LINGO2: variants seen among roughly 807,000 people sequenced by gnomAD.
The protein encoded by LINGO2 is leucine rich repeat and Ig domain containing 2.
LINGO2 carries 14 observed loss-of-function variants against 30.6 expected under a neutral mutation model. The ratio of observed to expected loss-of-function variants is 0.46; its 90% CI spans 0.30 to 0.72. The LOEUF (loss-of-function observed/expected upper bound fraction) is 0.72, where lower values mean the gene tolerates loss of function less well. Among genes scored for constraint, LINGO2 ranks in the 30% least tolerant of loss-of-function variants. The probability of loss-of-function intolerance (pLI) is 0.07; values close to 1 mark genes in which losing one functional copy is unlikely to be tolerated. For synonymous variants in LINGO2, 317 were observed against 288.5 expected (o/e 1.10, Z -1.00); for missense variants, 729 against 751.7 (o/e 0.97, Z 0.35).
chr9:28,008,099 C>T (rs1262708554), intron 5 of LINGO2, among the ~76,000 whole-genome samples: 2 of 152,114 alleles, frequency 1.3e-5, no homozygotes, highest in African/African-American at 4.8e-5. Flanking sequence ...CGTTTGTCAT[C>T]AGAATCTCCT....
chr9:28,760,167 A>AT, the LINGO2 span, among the ~76,000 whole-genome samples: 2 of 152,142 alleles, frequency 1.3e-5, no homozygotes, highest in East Asian at 3.8e-4. Flanking sequence ...ATGAAATCAA[A>AT]TCAGAGTATT....
At chr9:28,830,011 A>G in the LINGO2 span, among the ~76,000 whole-genome samples, 4,605 of 152,302 alleles carry the variant, frequency 0.03, 204 homozygotes, top group African/African-American at 0.1. Context: ...CTGAAATACT[A>G]TCTGACAACA....
In LINGO2 at chr9:28,377,508, G is replaced by C. The variant is rs188710627; in HGVS notation, c.-278-4640C>G. ...GTAGGCTATTCGTAGTTAAGTTCTG[G>C]GGGAGTAGAAAAGTTATACACAGAT... is the stretch of plus-strand genomic sequence containing the variant. On this transcript the variant is annotated intron_variant, in intron 2 of 5. Transcript: ENST00000379992. 6.4e-4 allele frequency among the ~76,000 whole-genome samples: 97 copies of C among 152,216 alleles called. 1 individual carries two copies. The highest frequency in any genetic ancestry group is 3.2e-4 in the Non-Finnish European group (22 of 68,032).
intron 4 of LINGO2, among the ~76,000 whole-genome samples, chr9:28,145,483 TA>T (rs1350448752): frequency 1.3e-5 from 2 of 152,226 alleles, no homozygotes; most frequent in Non-Finnish European, 2.9e-5. Flanking sequence ...CATCTATTTT[TA>T]AAAGATGAAT....
the LINGO2 span, among the ~76,000 whole-genome samples, chr9:29,176,029 G>C: frequency 6.8e-6 from 1 of 146,096 alleles, no homozygotes; most frequent in Non-Finnish European, 1.5e-5. Context: ...CTGGCACCAA[G>C]TCCTCGATCT....
intron 5 of LINGO2, among the ~76,000 whole-genome samples, chr9:27,954,669 A>G (rs1417292451): frequency 2.0e-5 from 3 of 152,124 alleles, no homozygotes; most frequent in African/African-American, 7.2e-5. Flanking sequence ...ATACAGATAT[A>G]CCTTTGATAT....
At chr9:28,954,379 C>A in the LINGO2 span, among the ~76,000 whole-genome samples, 1 of 152,022 alleles carries the variant, frequency 6.6e-6, no homozygotes, top group Admixed American at 6.6e-5. Flanking sequence ...CATTTCATCA[C>A]AAAGGATATT....
intron 1 of LINGO2, among the ~76,000 whole-genome samples, chr9:28,653,845 A>C (rs1049594710): frequency 1.3e-5 from 2 of 151,982 alleles, no homozygotes; most frequent in African/African-American, 2.4e-5. Flanking sequence ...TTTGAACATC[A>C]CTCTTTGTTA....
chr9:28,983,032 A>G, the LINGO2 span, among the ~76,000 whole-genome samples: 1 of 151,878 alleles, frequency 6.6e-6, no homozygotes, highest in Non-Finnish European at 1.5e-5. Flanking sequence ...AATTGTAGGT[A>G]CATAAGAAAA....
chr9:28,355,508 T>C (rs1266946029), intron 3 of LINGO2, among the ~76,000 whole-genome samples: 1 of 151,924 alleles, frequency 6.6e-6, no homozygotes, highest in Non-Finnish European at 1.5e-5. Flanking sequence ...AGACACCAGC[T>C]AAAACACACA....
At chr9:29,074,197 C>T in the LINGO2 span, among the ~76,000 whole-genome samples, 1 of 152,060 alleles carries the variant, frequency 6.6e-6, no homozygotes, top group Non-Finnish European at 1.5e-5. Context: ...AAAACAGAAT[C>T]TTATTTTGAT....
At chr9:27,972,215 G>A (rs1314825597) in intron 5 of LINGO2, among the ~76,000 whole-genome samples, 1 of 152,156 alleles carries the variant, frequency 6.6e-6, no homozygotes, top group African/African-American at 2.4e-5. Context: ...GGGCATCTAA[G>A]GATTTATTGT....
At chr9:29,178,308 C>G in the LINGO2 span, among the ~76,000 whole-genome samples, 41,214 of 151,862 alleles carry the variant, frequency 0.27, 5,876 homozygotes, top group East Asian at 0.45. Flanking sequence ...TGCCCACCTC[C>G]GCCTCCCAAA....
chr9:28,190,095 C>T (rs1052586933), intron 4 of LINGO2, among the ~76,000 whole-genome samples: 4 of 152,070 alleles, frequency 2.6e-5, no homozygotes, highest in Non-Finnish European at 2.9e-5. Context: ...GATATTTTGA[C>T]GTGGTATGGC....
chr9:28,120,644 C>T (rs1179602226), intron 4 of LINGO2, among the ~76,000 whole-genome samples: 3 of 152,134 alleles, frequency 2.0e-5, no homozygotes, highest in Non-Finnish European at 1.5e-5. Flanking sequence ...TTACTTGATG[C>T]AGCAATATGG....
chr9:28,494,229 A>T (rs559161611), intron 1 of LINGO2, among the ~76,000 whole-genome samples: 132 of 151,960 alleles, frequency 8.7e-4, no homozygotes, highest in African/African-American at 3.0e-3. Flanking sequence ...CTTTTTTTTT[A>T]AATCATACTT....
chr9:28,893,587 T>C, the LINGO2 span, among the ~76,000 whole-genome samples: 1 of 76,308 alleles, frequency 1.3e-5, no homozygotes, highest in Non-Finnish European at 3.0e-5. Context: ...TCATTTTTTT[T>C]TTTAATTTAA....
chr9:29,168,756 C>T, the LINGO2 span, among the ~76,000 whole-genome samples: 1 of 152,156 alleles, frequency 6.6e-6, no homozygotes, highest in Admixed American at 6.6e-5. Flanking sequence ...ACTGATAAGA[C>T]AGATACTTCC....
chr9:28,165,162 C>T (rs1225765787), intron 4 of LINGO2, among the ~76,000 whole-genome samples: 6 of 152,200 alleles, frequency 3.9e-5, no homozygotes, highest in Admixed American at 2.6e-4. Context: ...AGTGCAAACC[C>T]AGATGCCTAA....
Sources: gnomAD v4.1 joint callset for allele counts (sites outside exome capture counted in the v4.1 genomes callset) on GRCh38, gnomAD v4.1.1 for gene constraint, MANE v1.5 for transcripts, NCBI Gene and HGNC (gene_info 2026-07-23, HGNC 2026-07-21) for gene names.